The following TMIGD3 variants were observed in gnomAD, a reference collection of about 807,000 sequenced individuals.
TMIGD3 encodes transmembrane and immunoglobulin domain containing 3, also known as AD026 protein (AD026).
Under a neutral mutation model 28.1 loss-of-function variants are expected in TMIGD3, and 21 were observed. The ratio of observed to expected loss-of-function variants is 0.75; its 90% confidence interval spans 0.53 to 1.08. The LOEUF is 1.08. TMIGD3 is among the 50% of genes least tolerant of loss of function. The probability of loss-of-function intolerance (pLI) is 0.00; values close to 1 mark genes in which losing one functional copy is unlikely to be tolerated. For missense variants in TMIGD3, 416 were observed against 435.6 expected, an observed-to-expected ratio of 0.96 and a Z score of 0.40; for synonymous variants, 151 against 162.1, an observed-to-expected ratio of 0.93 and a Z score of 0.52.
At chr1:111,504,755 G>A (rs1379960710), upstream of TMIGD3, 1 of 542,420 alleles carries the variant, frequency 1.8e-6, no homozygotes, top group East Asian at 1.5e-4. Context: ...CCTCTGCCTG[G>A]GGCTCATCAG....
chr1:111,554,970 T>G (rs1007801969), intron 1 of TMIGD3, among the ~76,000 whole-genome samples: 1 of 151,782 alleles, frequency 6.6e-6, no homozygotes, highest in African/African-American at 2.4e-5. Flanking sequence ...AGACTTTAAA[T>G]GTAGTTATTA....
At chr1:111,530,268 T>C (rs541324458) in intron 1 of TMIGD3, among the ~76,000 whole-genome samples, 20 of 152,360 alleles carry the variant, frequency 1.3e-4, no homozygotes, top group African/African-American at 4.6e-4. Context: ...CTTCCTTGTG[T>C]TAATGTTATA....
chr1:111,489,480 T>A (rs1654551745), intron 2 of TMIGD3: 1 of 815,558 alleles, frequency 1.2e-6, no homozygotes, highest in Non-Finnish European at 1.5e-6. Flanking sequence ...CTTCATAACA[T>A]AAGGAAATAA....
intron 1 of TMIGD3, among the ~76,000 whole-genome samples, chr1:111,508,817 C>A (rs996057255): frequency 6.6e-6 from 1 of 152,214 alleles, no homozygotes; most frequent in African/African-American, 2.4e-5. Flanking sequence ...TCATACACCG[C>A]CAGGCGCGGT....
chr1:111,520,233 A>G (rs1442206178), intron 1 of TMIGD3, among the ~76,000 whole-genome samples: 1 of 152,236 alleles, frequency 6.6e-6, no homozygotes, highest in Non-Finnish European at 1.5e-5. Context: ...AGTTAATAGC[A>G]GCTGCTACCC....
intron 1 of TMIGD3, among the ~76,000 whole-genome samples, chr1:111,523,828 T>G (rs1365304797): frequency 6.6e-6 from 1 of 151,998 alleles, no homozygotes; most frequent in Non-Finnish European, 1.5e-5. Context: ...CTTGATATTA[T>G]TAATTTAGTC....
chr1:111,486,857 T>G (rs1443558082), intron 3 of TMIGD3, among the ~76,000 whole-genome samples: 1 of 152,124 alleles, frequency 6.6e-6, no homozygotes, highest in South Asian at 2.1e-4. Flanking sequence ...GGGCCGACAT[T>G]TAGCCCACAC....
chr1:111,523,614 C>G (rs1019913714), intron 1 of TMIGD3, among the ~76,000 whole-genome samples: 1 of 151,958 alleles, frequency 6.6e-6, no homozygotes, highest in East Asian at 1.9e-4. Context: ...TAAAATTTAC[C>G]AGTAAAACTA....
chr1:111,493,279 C>A (rs1195203903), intron 1 of TMIGD3, among the ~76,000 whole-genome samples: 1 of 152,050 alleles, frequency 6.6e-6, no homozygotes, highest in Non-Finnish European at 1.5e-5. Context: ...GGGGGTGGAT[C>A]CCTCATGAAT....
chr1:111,484,993 T>C (rs1211090359), intron 5 of TMIGD3, among the ~76,000 whole-genome samples: 1 of 152,190 alleles, frequency 6.6e-6, no homozygotes, highest in Non-Finnish European at 1.5e-5. Context: ...ACCAGCCTTG[T>C]CTTACTGACC....
intron 1 of TMIGD3, among the ~76,000 whole-genome samples, chr1:111,557,909 A>G (rs1458156105): frequency 6.6e-6 from 1 of 152,246 alleles, no homozygotes. Flanking sequence ...GAAATGTATC[A>G]AATAGCTTTA....
At chr1:111,483,791 G>C (rs539477614) in intron 5 of TMIGD3, 34 bp from the exon 6 acceptor site, 4 of 1,552,920 alleles carry the variant, frequency 2.6e-6, no homozygotes, top group Non-Finnish European at 3.6e-6. Flanking sequence ...AAATGGAGTT[G>C]AGATCTATTG....
At position 111,533,113 on chromosome 1, in the gene TMIGD3, C is replaced by T. The variant is rs1355391049; in HGVS notation, c.107+30733G>A. On this transcript the variant is annotated intron_variant, in intron 1 of 5. Coordinates refer to the TMIGD3 transcript ENST00000369717. ...ATGTTATGATTGGATCCACGGGGCC[C>T]TCTGACTGTCCCCCAAAAGGATAAT... Among the ~76,000 whole-genome samples the T allele has an allele frequency of 2.6e-5, 4 of 152,292 alleles. No individual in the cohort carries two copies. The East Asian group carries it at 7.7e-4, about 29-fold the overall frequency.
upstream of TMIGD3, chr1:111,503,672 A>G: frequency 9.1e-7 from 1 of 1,099,716 alleles, no homozygotes; most frequent in Non-Finnish European, 1.1e-6. Flanking sequence ...CCCCAAACAG[A>G]TGTCCTCAAC....
At chr1:111,490,582 G>A in intron 2 of TMIGD3, 74 bp downstream of exon 2, 2 of 1,110,640 alleles carry the variant, frequency 1.8e-6, no homozygotes, top group South Asian at 1.3e-5. Context: ...CTCCAAGTAG[G>A]TGAGGACTTC....
intron 1 of TMIGD3, among the ~76,000 whole-genome samples, chr1:111,543,733 A>G (rs1367706029): frequency 6.6e-6 from 1 of 151,898 alleles, no homozygotes; most frequent in East Asian, 1.9e-4. Flanking sequence ...GAGGAGGAGG[A>G]AGAGGAGGGA....
rs74997204 is a variant in TMIGD3, at chr1:111,533,288, C to T, written c.107+30558G>A. On this transcript the variant is annotated intron_variant, in intron 1 of 5. Coordinates refer to the TMIGD3 transcript ENST00000369717. ...CAAATTCCTCACCATACCTTGATTC[C>T]TGGAAATAATCTGTTCAATATTTTT... Among the ~76,000 whole-genome samples the T allele has an allele frequency of 5.2e-3, 787 of 152,196 alleles. 6 individuals are homozygous for T. Among genetic ancestry groups the T allele is most frequent in the African/African-American group, 0.018 (759 of 41,518 alleles).
intron 5 of TMIGD3, among the ~76,000 whole-genome samples, chr1:111,484,397 A>T (rs1427004791): frequency 6.6e-6 from 1 of 152,228 alleles, no homozygotes. Flanking sequence ...ACAGGCCCAG[A>T]AAAGTATAAA....
chr1:111,504,260 G>T, upstream of TMIGD3: 1 of 392,684 alleles, frequency 2.5e-6, no homozygotes, highest in Non-Finnish European at 3.5e-6. Context: ...CACTTATGCT[G>T]GCAGCCGGCC....
Sources: gnomAD v4.1 joint callset for allele counts (sites outside exome capture counted in the v4.1 genomes callset) on GRCh38, gnomAD v4.1.1 for gene constraint, MANE v1.5 for transcripts, NCBI Gene and HGNC (gene_info 2026-07-23, HGNC 2026-07-21) for gene names.